PSEN1: variants seen among roughly 807,000 people sequenced by gnomAD.
The protein encoded by PSEN1 is presenilin-1.
A neutral mutation model predicts 53.5 loss-of-function variants in PSEN1; 15 were observed. The ratio of observed to expected loss-of-function variants is 0.28; its 90% CI spans 0.19 to 0.43. PSEN1 has a LOEUF of 0.43. Ranked by LOEUF, PSEN1 falls within the 20% of genes least tolerant of loss-of-function variation. PSEN1 has a pLI of 1.00. For synonymous variants in PSEN1, 208 were observed against 209.8 expected, an observed-to-expected ratio of 0.99 and a Z score of 0.08; for missense variants, 387 against 571.2, an observed-to-expected ratio of 0.68 and a Z score of 3.29.
intron 6 of PSEN1, among the ~76,000 whole-genome samples, chr14:73,192,339 G>A (rs1454072912): frequency 6.6e-6 from 1 of 152,094 alleles, no homozygotes; most frequent in Non-Finnish European, 1.5e-5. Context: ...TACTTAGGAG[G>A]CTGAGCTGGG....
intron 9 of PSEN1, among the ~76,000 whole-genome samples, chr14:73,208,501 C>G (rs540579405): frequency 6.6e-6 from 1 of 151,910 alleles, no homozygotes; most frequent in South Asian, 2.1e-4. Context: ...GAGAGGAGAC[C>G]CGGAATGGGT....
intron 8 of PSEN1, among the ~76,000 whole-genome samples, chr14:73,202,158 C>T (rs1440819487): frequency 6.6e-6 from 1 of 151,766 alleles, no homozygotes; most frequent in East Asian, 1.9e-4. Context: ...AATTCTCCTG[C>T]CTCAGCCTCC....
rs942550893 is a variant in PSEN1, at chr14:73,150,900, T to C, written c.87+2794T>C. Reference sequence around the variant, plus strand: ...GGTCAACATGGTGAAACCCCGTCTCTACTAAAAAAATACAAAAATTAGCTG... The same window carrying C: ...GGTCAACATGGTGAAACCCCGTCTCCACTAAAAAAATACAAAAATTAGCTG... On this transcript the variant is annotated intron_variant, in intron 3 of 11. Coordinates refer to ENST00000324501, the MANE Select transcript of PSEN1 (RefSeq NM_000021.4). 5.9e-5 allele frequency among the ~76,000 whole-genome samples: 9 copies of C among 151,598 alleles called. No homozygotes were observed. The South Asian group carries it at 6.3e-4, about 11-fold the overall frequency.
chr14:73,211,548 GGGA>G (rs2140134595), intron 9 of PSEN1, among the ~76,000 whole-genome samples: 1 of 151,960 alleles, frequency 6.6e-6, no homozygotes, highest in South Asian at 2.1e-4. Context: ...AGAGTCATGT[GGGA>G]GGGGGTGGGA....
chr14:73,177,284 A>G (rs1308033959), intron 5 of PSEN1, among the ~76,000 whole-genome samples: 1 of 151,776 alleles, frequency 6.6e-6, no homozygotes, highest in African/African-American at 2.4e-5. Flanking sequence ...TCTCCTTTGC[A>G]TATCTCTTCT....
rs924517141 is a variant in PSEN1, at chr14:73,186,773, T to C, written c.481-80T>C. 23 of 1,206,448 alleles carry C rather than the reference T, an allele frequency of 1.9e-5. No individual in the cohort carries two copies. In the African/African-American group the frequency reaches 3.3e-4, roughly 17 times the overall value. 74.7% of individuals were successfully genotyped at this position (1,206,448 alleles called of 1,614,324 possible). On this transcript the variant is annotated intron_variant, in intron 5 of 11. Transcript: ENST00000324501. ...GTCTGGGCGACAAAGTGAGACCCTG[T>C]CTCAAAAAAGAAAAAAAAAATCTGT...
At chr14:73,204,952 T>G (rs1899391091) in intron 8 of PSEN1, among the ~76,000 whole-genome samples, 1 of 152,218 alleles carries the variant, frequency 6.6e-6, no homozygotes, top group African/African-American at 2.4e-5. Flanking sequence ...TAGATCTGGA[T>G]TTAGTTAAAC....
chr14:73,178,283 G>C (rs1026951869), intron 5 of PSEN1, among the ~76,000 whole-genome samples: 8 of 147,828 alleles, frequency 5.4e-5, no homozygotes, highest in African/African-American at 1.8e-4. Flanking sequence ...GCAGTGATGT[G>C]ATTTTGGCTC....
chr14:73,175,360 C>T (rs1898017745), intron 5 of PSEN1, among the ~76,000 whole-genome samples: 1 of 151,922 alleles, frequency 6.6e-6, no homozygotes. Flanking sequence ...CTCCTGACCT[C>T]AGGTGATCCA....
chr14:73,186,128 C>G (rs1464464905), intron 5 of PSEN1, among the ~76,000 whole-genome samples: 1 of 152,092 alleles, frequency 6.6e-6, no homozygotes, highest in Non-Finnish European at 1.5e-5. Flanking sequence ...ACCTGTAATC[C>G]TAGCACTTTG....
At chr14:73,173,990 A>G in intron 5 of PSEN1, 1 of 572,892 alleles carries the variant, frequency 1.7e-6, no homozygotes, top group East Asian at 2.8e-5. Flanking sequence ...CCTCTATTAA[A>G]GAAAACAAAA....
chr14:73,220,081 A>G lies in PSEN1; in HGVS notation c.*792A>G, dbSNP rs941281645. 6.6e-6 allele frequency: 1 copy of G among 152,198 alleles called. No homozygotes were observed. The highest frequency in any genetic ancestry group is 1.5e-5 in the Non-Finnish European group (1 of 68,048). 9.4% of individuals were successfully genotyped at this position (152,198 alleles called of 1,614,324 possible). On this transcript the variant is annotated 3_prime_UTR_variant, in exon 12 of 12. Transcript: ENST00000324501. ...GAAACAGTACAGCTATTTCTCATCA[A>G]TTCTCTATCATGTTGAAGTCAAATT... is the stretch of plus-strand genomic sequence containing the variant.
Position 73,192,833 on chromosome 14 carries a change from G to A in PSEN1, c.738G>A (p.Ala246=), listed in dbSNP as rs756309757. 1.2e-5 allele frequency: 20 copies of A among 1,613,436 alleles called. No homozygotes were observed. The highest frequency in any genetic ancestry group is 8.0e-5 in the African/African-American group (6 of 74,892). The change falls in exon 7 of 12, where the codon GCG becomes GCA. Residue 246 remains alanine, a synonymous_variant. Coordinates refer to ENST00000324501, the MANE Select transcript of PSEN1 (RefSeq NM_000021.4). The part of the protein sequence containing the change: ...VFIKYLPEWT[A]WLILAVISVY... Reference sequence around the variant, plus strand: ...TCAAGTACCTCCCTGAATGGACTGCGTGGCTCATCTTGGCTGTGATTTCAG... The same window carrying A: ...TCAAGTACCTCCCTGAATGGACTGCATGGCTCATCTTGGCTGTGATTTCAG...
At chr14:73,202,043 G>A (rs1050097160) in intron 8 of PSEN1, among the ~76,000 whole-genome samples, 5 of 151,360 alleles carry the variant, frequency 3.3e-5, no homozygotes, top group Admixed American at 6.6e-5. Context: ...CACTGCACCC[G>A]ACCTGTTTTA....
chr14:73,209,209 G>C (rs1022103761), intron 9 of PSEN1, among the ~76,000 whole-genome samples: 5 of 152,156 alleles, frequency 3.3e-5, no homozygotes, highest in African/African-American at 1.2e-4. Flanking sequence ...ACTCAGAAGG[G>C]GGCAGGACTC....
At chr14:73,164,036 A>G (rs1284245805) in intron 3 of PSEN1, among the ~76,000 whole-genome samples, 1 of 152,242 alleles carries the variant, frequency 6.6e-6, no homozygotes, top group Admixed American at 6.5e-5. Flanking sequence ...ATGATAGATA[A>G]TAGTGGTTTG....
rs1248311168 is a variant in PSEN1 at position 73,202,418 on chromosome 14, CTATATATATATATATATATATATATATA to C, written c.869-3950_869-3923del. On this transcript the variant is annotated intron_variant, in intron 8 of 11. Transcript: ENST00000324501. ...TCTGTTTTAAAATATCTATCACATA[CTATATATATATATATATATATATATATA>C]TATATATATATATATATTTTTTTTT... Among the ~76,000 whole-genome samples, 125 of 27,222 alleles carry C rather than the reference CTATATATATATATATATATATATATATA, an allele frequency of 4.6e-3. 3 individuals carry two copies. The highest frequency in any genetic ancestry group is 0.015 in the African/African-American group (90 of 5,930). The allele number at this position is 27,222 out of a possible 152,430, so 17.9% of individuals were successfully genotyped here. A position where few individuals can be genotyped will look rare whatever the true frequency, so the allele number is the denominator to read the frequency against.
chr14:73,138,083 A>C (rs1249174880), intron 1 of PSEN1: 1 of 151,166 alleles, frequency 6.6e-6, no homozygotes. Flanking sequence ...AAAAAAAAAA[A>C]CCTGTTTTGT....
At chr14:73,164,716 C>T (rs1897654738) in intron 3 of PSEN1, among the ~76,000 whole-genome samples, 1 of 152,134 alleles carries the variant, frequency 6.6e-6, no homozygotes, top group Non-Finnish European at 1.5e-5. Context: ...GGGGTAAACC[C>T]AAGATATGAT....
Sources: gnomAD v4.1 joint callset for allele counts (sites outside exome capture counted in the v4.1 genomes callset) on GRCh38, gnomAD v4.1.1 for gene constraint, MANE v1.5 for transcripts, NCBI Gene and HGNC (gene_info 2026-07-23, HGNC 2026-07-21) for gene names.